TENM4: variants seen among roughly 807,000 people sequenced by gnomAD.
The protein encoded by TENM4 is teneurin-4.
In TENM4, 82 loss-of-function variants were observed where a neutral mutation model predicts 243.3. The observed-to-expected ratio is 0.34, with a 90% CI of 0.28 to 0.40. The LOEUF (loss-of-function observed/expected upper bound fraction) is 0.40. TENM4 is among the 10% of genes least tolerant of loss of function. The pLI, the probability that TENM4 is intolerant of heterozygous loss-of-function variation, is 1.00. For missense variants in TENM4, 3,138 were observed against 3,673.3 expected (o/e 0.85, Z 3.77); for synonymous variants, 1,412 against 1,456.3 (o/e 0.97, Z 0.69).
At chr11:78,822,541 G>A (rs1857756031) in intron 12 of TENM4, among the ~76,000 whole-genome samples, 1 of 152,138 alleles carries the variant, frequency 6.6e-6, no homozygotes, top group Non-Finnish European at 1.5e-5. Flanking sequence ...CATGGATACA[G>A]GAACGTGAAC....
chr11:78,756,244 G>A (rs527678796), intron 19 of TENM4: 1 of 159,204 alleles, frequency 6.3e-6, no homozygotes, highest in African/African-American at 2.4e-5. Flanking sequence ...TGTCTTCCTA[G>A]TGGACTGGGA....
intron 1 of TENM4, among the ~76,000 whole-genome samples, chr11:79,325,096 G>A (rs555105825): frequency 1.3e-5 from 2 of 152,308 alleles, no homozygotes; most frequent in South Asian, 2.1e-4. Context: ...ATATTCCAAC[G>A]TTGGCACGTG....
At chr11:79,281,021 G>T (rs1040227334) in intron 2 of TENM4, among the ~76,000 whole-genome samples, 1 of 152,216 alleles carries the variant, frequency 6.6e-6, no homozygotes, top group African/African-American at 2.4e-5. Context: ...TGAGTAAAGG[G>T]TTGAGAGCTG....
At chr11:78,759,451 G>A (rs1402264055) in intron 18 of TENM4, among the ~76,000 whole-genome samples, 1 of 152,180 alleles carries the variant, frequency 6.6e-6, no homozygotes, top group Admixed American at 6.5e-5. Flanking sequence ...CAATTGAAGG[G>A]CCGTGAAAAG....
chr11:78,928,208 A>G (rs535141610), intron 6 of TENM4, among the ~76,000 whole-genome samples: 1 of 152,192 alleles, frequency 6.6e-6, no homozygotes, highest in Non-Finnish European at 1.5e-5. Context: ...CTCTGACTAC[A>G]GTCAGAATTT....
At chr11:79,193,551 A>C (rs1337158337) in intron 3 of TENM4, among the ~76,000 whole-genome samples, 6 of 151,966 alleles carry the variant, frequency 3.9e-5, no homozygotes, top group Non-Finnish European at 8.8e-5. Context: ...TTTGTCCTTC[A>C]CCTGCTGAGT....
intron 15 of TENM4, among the ~76,000 whole-genome samples, chr11:78,791,182 T>C (rs1857048734): frequency 6.6e-6 from 1 of 152,114 alleles, no homozygotes; most frequent in Non-Finnish European, 1.5e-5. Flanking sequence ...AAGATGAGAG[T>C]AGAAACCTGT....
chr11:79,287,213 G>T (rs1001402696), intron 2 of TENM4, among the ~76,000 whole-genome samples: 7 of 152,196 alleles, frequency 4.6e-5, no homozygotes, highest in African/African-American at 1.7e-4. Context: ...TATAAAACCA[G>T]CACATGGGGC....
intron 6 of TENM4, among the ~76,000 whole-genome samples, chr11:78,909,300 G>A (rs1591120885): frequency 1.3e-5 from 2 of 152,238 alleles, no homozygotes; most frequent in East Asian, 3.9e-4. Flanking sequence ...TTTACTACTT[G>A]CCGGATACTT....
At chr11:78,970,926 T>C (rs1028655692) in intron 6 of TENM4, among the ~76,000 whole-genome samples, 2 of 152,200 alleles carry the variant, frequency 1.3e-5, no homozygotes, top group African/African-American at 2.4e-5. Context: ...ATCACTGTTA[T>C]GGGCAATAGA....
At chr11:78,736,479 T>TGTGTGCGCGCGCGC (rs796898751) in intron 20 of TENM4, among the ~76,000 whole-genome samples, 14 of 99,400 alleles carry the variant, frequency 1.4e-4, no homozygotes, top group African/African-American at 4.1e-4. Flanking sequence ...TGTGTGTGTG[T>TGTGTGCGCGCGCGC]GCGCGCGCGT....
chr11:79,069,422 G>C (rs1860348235), intron 5 of TENM4, among the ~76,000 whole-genome samples: 1 of 152,210 alleles, frequency 6.6e-6, no homozygotes, highest in Admixed American at 6.5e-5. Context: ...CTGAGGCTTA[G>C]AGGGGAGCCT....
chr11:78,694,961 T>G (rs1021701578), intron 28 of TENM4, among the ~76,000 whole-genome samples: 3 of 152,198 alleles, frequency 2.0e-5, no homozygotes. Context: ...CTTTCCCACC[T>G]TGCTCTGCAG....
At chr11:79,166,491 G>T (rs1006272466) in intron 3 of TENM4, among the ~76,000 whole-genome samples, 1 of 152,212 alleles carries the variant, frequency 6.6e-6, no homozygotes, top group African/African-American at 2.4e-5. Flanking sequence ...AGATCTGGAA[G>T]CTTAAGAATA....
chr11:78,684,776 G>A (rs146191401), intron 29 of TENM4, among the ~76,000 whole-genome samples: 7 of 152,182 alleles, frequency 4.6e-5, no homozygotes, highest in Admixed American at 2.6e-4. Context: ...AGGCATATGC[G>A]GTACTATATG....
chr11:79,031,285 AC>A (rs1859231104), intron 6 of TENM4, among the ~76,000 whole-genome samples: 1 of 152,174 alleles, frequency 6.6e-6, no homozygotes, highest in South Asian at 2.1e-4. Flanking sequence ...CAGGGGAGAT[AC>A]CCAATTTTCA....
Position 78,798,737 on chromosome 11 carries a change from G to A in TENM4, c.2179+6555C>T, listed in dbSNP as rs185383032. 2.1e-3 allele frequency among the ~76,000 whole-genome samples: 315 copies of A among 152,000 alleles called. 2 individuals carry two copies. Among genetic ancestry groups the A allele is most frequent in the African/African-American group, 7.2e-3 (298 of 41,446 alleles). Reference sequence around the variant, plus strand: ...TACTTGTGCACACGCTGTTCCCTTGGCCTGCACTGCCCTCTCCTCCTTGGC... The same window carrying A: ...TACTTGTGCACACGCTGTTCCCTTGACCTGCACTGCCCTCTCCTCCTTGGC... On this transcript the variant is annotated intron_variant, in intron 15 of 33. Coordinates refer to ENST00000278550, the MANE Select transcript of TENM4 (RefSeq NM_001098816.3).
chr11:78,760,846 C>T (rs1054417384), intron 18 of TENM4, among the ~76,000 whole-genome samples: 16 of 152,224 alleles, frequency 1.1e-4, no homozygotes, highest in Admixed American at 1.0e-3. Context: ...TTCTTCAAAT[C>T]TCTATTCTAC....
At chr11:79,308,947 C>G (rs1590868931) in intron 1 of TENM4, among the ~76,000 whole-genome samples, 1 of 152,140 alleles carries the variant, frequency 6.6e-6, no homozygotes, top group African/African-American at 2.4e-5. Flanking sequence ...ATATCAGTAA[C>G]AGGCAAGTAA....
Sources: allele counts gnomAD v4.1 joint callset (sites outside exome capture counted in the v4.1 genomes callset), GRCh38; gene constraint gnomAD v4.1.1; transcripts MANE v1.5; gene names NCBI Gene and HGNC (gene_info 2026-07-23, HGNC 2026-07-21).